The following KAZN variants were observed in gnomAD, a reference collection of about 807,000 sequenced individuals.
KAZN encodes the protein kazrin, periplakin interacting protein, also known as kazrin.
KAZN carries 40 observed loss-of-function variants against 87.4 expected under a neutral mutation model. The ratio of observed to expected loss-of-function variants is 0.46; its 90% CI spans 0.36 to 0.60. The LOEUF (loss-of-function observed/expected upper bound fraction) is 0.60, where lower values mean the gene tolerates loss of function less well. Among genes scored for constraint, KAZN ranks in the 20% least tolerant of loss-of-function variants. The pLI, the probability that KAZN is intolerant of heterozygous loss-of-function variation, is 0.00. For synonymous variants in KAZN, 466 were observed against 458.3 expected, an observed-to-expected ratio of 1.02 and a Z score of -0.22; for missense variants, 898 against 1,073.9, an observed-to-expected ratio of 0.84 and a Z score of 2.29.
At chr1:14,485,655 G>A (rs567333460) in intron 2 of KAZN, among the ~76,000 whole-genome samples, 2 of 152,260 alleles carry the variant, frequency 1.3e-5, no homozygotes, top group South Asian at 4.1e-4. Flanking sequence ...AGCACGTCGG[G>A]AGGCTGAGGC....
At chr1:14,330,755 C>T (rs772351550) in intron 2 of KAZN, among the ~76,000 whole-genome samples, 34 of 152,090 alleles carry the variant, frequency 2.2e-4, no homozygotes, top group Non-Finnish European at 3.8e-4. Context: ...AGCATGAATG[C>T]GTGGGGGGTT....
Position 14,599,149 on chromosome 1 carries a change from G to C in KAZN, c.152G>C (p.Gly51Ala), listed in dbSNP as rs1676741522. 5 of 1,420,742 alleles carry C rather than the reference G, an allele frequency of 3.5e-6. No homozygotes were observed. The South Asian group carries it at 6.7e-5, about 19-fold the overall frequency. The allele number at this position is 1,420,742 out of a possible 1,614,324, so 88.0% of individuals were successfully genotyped here. The change falls in exon 1 of 15, where the codon GGA becomes GCA. Residue 51 changes from glycine (G) to alanine (A), a missense_variant. By Grantham distance (60) the Gly-to-Ala change is moderately conservative. Coordinates refer to ENST00000376030, the MANE Select transcript of KAZN (RefSeq NM_201628.3). The surrounding 1 kb of genome is among the most constrained non-coding windows in gnomAD (Gnocchi z 4.4). Reference protein sequence around the residue: ...SGGGGPGPGPGAAASASAAGD... With the variant: ...SGGGGPGPGPAAAASASAAGD... ...GGCGGCGGCCCCGGCCCGGGCCCGG[G>C]AGCCGCGGCCAGCGCCTCGGCGGCG...
chr1:14,533,883 G>A (rs1022406328), intron 2 of KAZN, among the ~76,000 whole-genome samples: 1 of 152,140 alleles, frequency 6.6e-6, no homozygotes. Context: ...ACAAGAGTCA[G>A]GGTTATAGAA....
At chr1:14,918,442 G>C (rs2101461014) in intron 1 of KAZN, among the ~76,000 whole-genome samples, 1 of 151,950 alleles carries the variant, frequency 6.6e-6, no homozygotes, top group South Asian at 2.1e-4. Flanking sequence ...TTGGGAGACT[G>C]AGGCAGGTGG....
intron 2 of KAZN, among the ~76,000 whole-genome samples, chr1:14,525,252 CA>C (rs1372906609): frequency 5.3e-5 from 8 of 152,360 alleles, no homozygotes; most frequent in African/African-American, 1.9e-4. Context: ...GCCAGCCATA[CA>C]GAATTAGCTT....
intron 2 of KAZN, among the ~76,000 whole-genome samples, chr1:14,211,957 A>C (rs182045708): frequency 5.9e-5 from 9 of 152,066 alleles, no homozygotes; most frequent in Admixed American, 5.9e-4. Context: ...TGGTTCCCAC[A>C]TGTATACAGA....
intron 1 of KAZN, among the ~76,000 whole-genome samples, chr1:14,059,474 G>T (rs1467339018): frequency 6.6e-6 from 1 of 152,174 alleles, no homozygotes; most frequent in Non-Finnish European, 1.5e-5. Flanking sequence ...AGTAAACAAG[G>T]TTATCTTACC....
At chr1:14,130,000 C>T (rs573497732) in intron 1 of KAZN, among the ~76,000 whole-genome samples, 1 of 152,304 alleles carries the variant, frequency 6.6e-6, no homozygotes, top group South Asian at 2.1e-4. Context: ...AACCTGCATA[C>T]ATAATACAAG....
chr1:14,052,162 C>G (rs1415248438), intron 1 of KAZN, among the ~76,000 whole-genome samples: 1 of 152,218 alleles, frequency 6.6e-6, no homozygotes, highest in Non-Finnish European at 1.5e-5. Context: ...TGTACCTGCT[C>G]TCCCAGGGGT....
chr1:14,539,168 G>C (rs76492157), intron 2 of KAZN, among the ~76,000 whole-genome samples: 31,020 of 152,044 alleles, frequency 0.2, 3,606 homozygotes, highest in Admixed American at 0.36. Context: ...TGCAAATATT[G>C]CAACTGATAT....
At chr1:14,002,199 C>A (rs1445223971) in intron 1 of KAZN, among the ~76,000 whole-genome samples, 1 of 152,168 alleles carries the variant, frequency 6.6e-6, no homozygotes, top group Non-Finnish European at 1.5e-5. Context: ...AGGACATGAA[C>A]AGACCGTTCT....
intron 1 of KAZN, among the ~76,000 whole-genome samples, chr1:14,883,757 C>T (rs953424019): frequency 6.6e-6 from 1 of 152,194 alleles, no homozygotes; most frequent in African/African-American, 2.4e-5. Context: ...GGGGGCCTAC[C>T]TTTGCCTTAA....
chr1:14,773,355 C>T lies in KAZN; in HGVS notation c.226+174132C>T, dbSNP rs986218321. Among the ~76,000 whole-genome samples, 5 of 152,284 alleles carry T rather than the reference C, an allele frequency of 3.3e-5. No individual in the cohort carries two copies. The highest frequency in any genetic ancestry group is 9.6e-5 in the African/African-American group (4 of 41,560). On this transcript the variant is annotated intron_variant, in intron 1 of 14. Transcript: ENST00000376030. This position sits in a 1 kb window ranked among gnomAD's most constrained non-coding sequence, Gnocchi z 5.9. ...ATCCACCTCCCACCTCACCTGCCCA[C>T]GATGCCATTGCTTCAAATGGCTTTC...
intron 1 of KAZN, among the ~76,000 whole-genome samples, chr1:14,677,086 T>G (rs1640270134): frequency 6.6e-6 from 1 of 152,162 alleles, no homozygotes; most frequent in African/African-American, 2.4e-5. Context: ...TAGTGCCAAC[T>G]GTGTGCCCAG....
At chr1:14,835,170 T>C (rs1647190042) in intron 1 of KAZN, among the ~76,000 whole-genome samples, 1 of 152,220 alleles carries the variant, frequency 6.6e-6, no homozygotes, top group South Asian at 2.1e-4. Context: ...TCCTATCAAC[T>C]GTGATCATAG....
chr1:14,083,490 T>C (rs1205058286), intron 1 of KAZN, among the ~76,000 whole-genome samples: 2 of 152,176 alleles, frequency 1.3e-5, no homozygotes, highest in African/African-American at 4.8e-5. Context: ...GCAACATGAA[T>C]GGTATTGAAG....
intron 1 of KAZN, among the ~76,000 whole-genome samples, chr1:14,176,573 C>G (rs565573234): frequency 1.3e-5 from 2 of 152,262 alleles, no homozygotes; most frequent in Admixed American, 1.3e-4. Context: ...CATATTCTTT[C>G]TAGTCCATCC....
At chr1:14,987,224 G>C (rs1488253460) in intron 2 of KAZN, among the ~76,000 whole-genome samples, 1 of 152,210 alleles carries the variant, frequency 6.6e-6, no homozygotes, top group African/African-American at 2.4e-5. Context: ...GCCGGGCACG[G>C]TGGCTCACGC....
intron 4 of KAZN, among the ~76,000 whole-genome samples, chr1:15,050,498 G>C (rs907975654): frequency 1.3e-5 from 2 of 152,236 alleles, no homozygotes; most frequent in Admixed American, 1.3e-4. Flanking sequence ...GGCAGGGACT[G>C]TGAGGGATGA....
Sources: allele counts gnomAD v4.1 joint callset (sites outside exome capture counted in the v4.1 genomes callset), GRCh38; gene constraint gnomAD v4.1.1; non-coding constraint Gnocchi (gnomAD v3.1); transcripts MANE v1.5; gene names NCBI Gene and HGNC (gene_info 2026-07-23, HGNC 2026-07-21).